CHN1: variants seen among roughly 807,000 people sequenced by gnomAD.
CHN1 encodes the protein N-chimaerin.
Under a neutral mutation model 59.5 loss-of-function variants are expected in CHN1, and 37 were observed. The ratio of observed to expected loss-of-function variants is 0.62; its 90% CI spans 0.48 to 0.82. The LOEUF is 0.82. Ranked by LOEUF, CHN1 falls within the 40% of genes least tolerant of loss-of-function variation. The pLI is 0.00. For missense variants in CHN1, 469 were observed against 571.0 expected, an observed-to-expected ratio of 0.82 and a Z score of 1.82; for synonymous variants, 206 against 200.4, an observed-to-expected ratio of 1.03 and a Z score of -0.24.
At chr2:174,806,747 A>C (rs773141608) in intron 11 of CHN1, among the ~76,000 whole-genome samples, 15 of 152,194 alleles carry the variant, frequency 9.9e-5, no homozygotes, top group Non-Finnish European at 1.9e-4. Flanking sequence ...ATGCTCTATA[A>C]ATGTTAATTT....
chr2:174,847,003 C>T (rs572206494), intron 6 of CHN1, 46 bp from the exon 7 acceptor site: 23 of 1,551,708 alleles, frequency 1.5e-5, no homozygotes, highest in Middle Eastern at 1.7e-4. Context: ...TTGTCACAGA[C>T]GACTTTGGAG....
chr2:174,897,382 C>T (rs1189320013), intron 5 of CHN1, among the ~76,000 whole-genome samples: 2 of 151,884 alleles, frequency 1.3e-5, no homozygotes, highest in Non-Finnish European at 2.9e-5. Flanking sequence ...GCCTTAAGAT[C>T]ACAACAGAAT....
At chr2:174,902,435 T>C (rs1688415360) in intron 5 of CHN1, among the ~76,000 whole-genome samples, 1 of 152,182 alleles carries the variant, frequency 6.6e-6, no homozygotes, top group Non-Finnish European at 1.5e-5. Flanking sequence ...TTTAAATAAA[T>C]TGTGCTATCC....
intron 7 of CHN1, among the ~76,000 whole-genome samples, chr2:174,833,465 T>C (rs1685950963): frequency 1.3e-5 from 2 of 152,224 alleles, no homozygotes; most frequent in Non-Finnish European, 2.9e-5. Context: ...GTCGCTCCAC[T>C]GTCTTGCATA....
At chr2:174,997,308 G>A (rs1187453295) in intron 1 of CHN1, among the ~76,000 whole-genome samples, 1 of 152,072 alleles carries the variant, frequency 6.6e-6, no homozygotes, top group Non-Finnish European at 1.5e-5. Context: ...TTTTGCTTAT[G>A]ACATCACCTC....
chr2:174,872,480 T>C (rs1240532621), intron 6 of CHN1, among the ~76,000 whole-genome samples: 1 of 152,176 alleles, frequency 6.6e-6, no homozygotes, highest in Non-Finnish European at 1.5e-5. Context: ...AAGCTTGACT[T>C]GTCTTACATT....
intron 6 of CHN1, among the ~76,000 whole-genome samples, chr2:174,863,727 T>C (rs1169341011): frequency 6.6e-6 from 1 of 152,168 alleles, no homozygotes; most frequent in African/African-American, 2.4e-5. Context: ...TAACTTTTAC[T>C]GAGCAACAGA....
At chr2:174,936,734 G>T (rs1244867304) in intron 3 of CHN1, among the ~76,000 whole-genome samples, 1 of 151,920 alleles carries the variant, frequency 6.6e-6, no homozygotes, top group Non-Finnish European at 1.5e-5. Flanking sequence ...GAATTTCCAG[G>T]GGTAATTCTG....
rs150544311 is a variant in CHN1 at position 174,933,095 on chromosome 2, T to C, written c.114+11793A>G. ...GGTTGGGGAGGAAGGTGAAGCTCAG[T>C]TCTGTTTTGAACAGGCTATTTCTGT... On this transcript the variant is annotated intron_variant, in intron 3 of 12. Transcript: ENST00000409900. 1.6e-3 allele frequency among the ~76,000 whole-genome samples: 243 copies of C among 152,276 alleles called. 1 individual carries two copies. The highest frequency in any genetic ancestry group is 5.8e-3 in the African/African-American group (239 of 41,558).
At position 175,005,297 on chromosome 2, in the gene CHN1, A is replaced by G. The variant is rs1271697183; in HGVS notation, c.-385T>C. 1.3e-5 allele frequency: 16 copies of G among 1,200,144 alleles called. No homozygotes were observed. The highest frequency in any genetic ancestry group is 1.7e-5 in the South Asian group (1 of 60,100). 74.3% of individuals were successfully genotyped at this position (1,200,144 alleles called of 1,614,324 possible). On this transcript the variant is annotated 5_prime_UTR_variant, in exon 1 of 13. Transcript: ENST00000409900. ...CGGCGGCGGCGACGGGGAGAGCAGC[A>G]GCAGCCTCGCACAGCCCCCGGCGGG...
intron 6 of CHN1, among the ~76,000 whole-genome samples, chr2:174,874,587 C>T (rs895827578): frequency 6.6e-6 from 1 of 152,154 alleles, no homozygotes; most frequent in Admixed American, 6.5e-5. Context: ...TTCCCGAAAG[C>T]TCAGATGCAC....
intron 7 of CHN1, among the ~76,000 whole-genome samples, chr2:174,840,297 T>A (rs1343999989): frequency 6.6e-6 from 1 of 150,688 alleles, no homozygotes; most frequent in Non-Finnish European, 1.5e-5. Context: ...CCTAAGTAGC[T>A]GAAACCACAG....
chr2:174,861,552 TA>T (rs1687068163), intron 6 of CHN1, among the ~76,000 whole-genome samples: 1 of 152,216 alleles, frequency 6.6e-6, no homozygotes, highest in South Asian at 2.1e-4. Flanking sequence ...AAGAAATGTA[TA>T]AATGTTTTGT....
intron 1 of CHN1, among the ~76,000 whole-genome samples, chr2:174,957,028 A>G (rs899339534): frequency 6.6e-6 from 1 of 152,156 alleles, no homozygotes; most frequent in African/African-American, 2.4e-5. Flanking sequence ...GTATCTCTTT[A>G]AAGACACCTT....
intron 6 of CHN1, among the ~76,000 whole-genome samples, chr2:174,876,952 T>A (rs962583034): frequency 6.6e-6 from 1 of 152,324 alleles, no homozygotes; most frequent in South Asian, 2.1e-4. Flanking sequence ...AAATCTTGCA[T>A]AGAATCCGAG....
chr2:174,875,024 C>T (rs1342119161), intron 6 of CHN1, among the ~76,000 whole-genome samples: 1 of 151,808 alleles, frequency 6.6e-6, no homozygotes, highest in African/African-American at 2.4e-5. Flanking sequence ...CAAGCAAGTG[C>T]CACCACGCCC....
At chr2:175,004,612 T>TA (rs1298606197) in intron 1 of CHN1, among the ~76,000 whole-genome samples, 2 of 152,170 alleles carry the variant, frequency 1.3e-5, no homozygotes, top group Non-Finnish European at 2.9e-5. Context: ...GTTGGCATCT[T>TA]AGAGAATCTT....
intron 7 of CHN1, among the ~76,000 whole-genome samples, chr2:174,839,603 GA>G (rs1353357906): frequency 6.7e-6 from 1 of 148,788 alleles, no homozygotes; most frequent in South Asian, 2.1e-4. Flanking sequence ...TGCACTTAAA[GA>G]TTTTTTTTTT....
At chr2:175,000,126 A>C (rs1574260510) in intron 1 of CHN1, among the ~76,000 whole-genome samples, 1 of 146,924 alleles carries the variant, frequency 6.8e-6, no homozygotes, top group African/African-American at 2.5e-5. Context: ...ATGCATCACC[A>C]CACCTGGCTA....
Sources: gnomAD v4.1 joint callset for allele counts (sites outside exome capture counted in the v4.1 genomes callset) on GRCh38, gnomAD v4.1.1 for gene constraint, MANE v1.5 for transcripts, NCBI Gene and HGNC (gene_info 2026-07-23, HGNC 2026-07-21) for gene names.